The following DNER variants were observed in gnomAD, a reference collection of about 807,000 sequenced individuals.
DNER encodes the protein delta/notch like EGF repeat containing.
DNER carries 33 observed loss-of-function variants against 78.2 expected under a neutral mutation model. The observed-to-expected ratio is 0.42, with a 90% CI of 0.32 to 0.56. The LOEUF (loss-of-function observed/expected upper bound fraction) is 0.56, where lower values mean the gene tolerates loss of function less well. Among genes scored for constraint, DNER ranks in the 20% least tolerant of loss-of-function variants. The probability of loss-of-function intolerance (pLI) is 0.11; values close to 1 mark genes in which losing one functional copy is unlikely to be tolerated. For missense variants in DNER, 918 were observed against 975.3 expected, an observed-to-expected ratio of 0.94 and a Z score of 0.78; for synonymous variants, 417 against 384.8, an observed-to-expected ratio of 1.08 and a Z score of -0.98.
At chr2:229,699,583 T>C (rs985894144) in intron 1 of DNER, among the ~76,000 whole-genome samples, 3 of 152,144 alleles carry the variant, frequency 2.0e-5, no homozygotes, top group Non-Finnish European at 4.4e-5. Context: ...CAGGCTGGTC[T>C]CGAACTCCTA....
chr2:229,366,842 C>A (rs762406084), intron 12 of DNER, 31 bp downstream of exon 12: 1 of 1,612,294 alleles, frequency 6.2e-7, no homozygotes, highest in African/African-American at 1.3e-5. Flanking sequence ...CATGTGAAGG[C>A]AGCATTCCCC....
chr2:229,488,475 GT>G (rs1695326327), intron 6 of DNER, among the ~76,000 whole-genome samples: 1 of 152,236 alleles, frequency 6.6e-6, no homozygotes, highest in Non-Finnish European at 1.5e-5. Flanking sequence ...GCACATGTGT[GT>G]TGTGTGTGCA....
At chr2:229,419,284 A>G (rs1559346613) in intron 8 of DNER, among the ~76,000 whole-genome samples, 1 of 152,244 alleles carries the variant, frequency 6.6e-6, no homozygotes, top group Non-Finnish European at 1.5e-5. Flanking sequence ...GCTGTTTTCA[A>G]CTTTTGAAAA....
chr2:229,442,301 G>A (rs562115600), intron 8 of DNER, among the ~76,000 whole-genome samples: 1 of 152,236 alleles, frequency 6.6e-6, no homozygotes, highest in East Asian at 1.9e-4. Flanking sequence ...AGATCAAGAG[G>A]TCAGGAGATG....
intron 1 of DNER, among the ~76,000 whole-genome samples, chr2:229,598,785 C>T (rs1390653751): frequency 6.6e-6 from 1 of 152,056 alleles, no homozygotes; most frequent in Non-Finnish European, 1.5e-5. Context: ...CTGGCGTTGG[C>T]CCTGTTCTTC....
intron 1 of DNER, among the ~76,000 whole-genome samples, chr2:229,661,898 G>T (rs1699016079): frequency 6.6e-6 from 1 of 152,150 alleles, no homozygotes; most frequent in Admixed American, 6.5e-5. Context: ...CAAAAATGAA[G>T]CTCCATGGCT....
At chr2:229,415,680 G>A (rs979866554) in intron 9 of DNER, among the ~76,000 whole-genome samples, 3 of 152,042 alleles carry the variant, frequency 2.0e-5, no homozygotes, top group Non-Finnish European at 4.4e-5. Context: ...ATTTGGTGGC[G>A]ATGCTTATTA....
chr2:229,524,252 G>A (rs899539507), intron 5 of DNER, among the ~76,000 whole-genome samples: 1 of 152,160 alleles, frequency 6.6e-6, no homozygotes, highest in African/African-American at 2.4e-5. Context: ...TTGTTCCTGG[G>A]TCTTCTCTCT....
intron 4 of DNER, among the ~76,000 whole-genome samples, chr2:229,549,804 G>A (rs1231386746): frequency 2.0e-5 from 3 of 151,848 alleles, no homozygotes; most frequent in Admixed American, 6.5e-5. Context: ...CCAGGTACTC[G>A]AGAGGCTGAG....
At chr2:229,407,551 T>C (rs1272485864) in intron 9 of DNER, among the ~76,000 whole-genome samples, 2 of 152,236 alleles carry the variant, frequency 1.3e-5, no homozygotes, top group African/African-American at 2.4e-5. Flanking sequence ...ATTCGATCAC[T>C]GTCCATAGGT....
chr2:229,597,108 C>T (rs1188838827), intron 1 of DNER, among the ~76,000 whole-genome samples: 1 of 62,510 alleles, frequency 1.6e-5, no homozygotes, highest in Non-Finnish European at 3.6e-5. Flanking sequence ...CACATGCACA[C>T]ACACATGCAC....
intron 1 of DNER, among the ~76,000 whole-genome samples, chr2:229,710,983 GCACACACA>G (rs34720917): frequency 5.1e-4 from 71 of 139,810 alleles, no homozygotes; most frequent in Admixed American, 1.4e-3. Flanking sequence ...GCATACACGC[GCACACACA>G]CACACACACA....
At position 229,499,134 on chromosome 2, in the gene DNER, A is replaced by G. The variant is rs60851313; in HGVS notation, c.1147+13649T>C. Among the ~76,000 whole-genome samples, 304 of 152,290 alleles carry G rather than the reference A, an allele frequency of 2.0e-3. 1 individual carries two copies. The highest frequency in any genetic ancestry group is 6.5e-3 in the African/African-American group (271 of 41,566). ...TTTTGCAGTCACTTGATTTTCAACA[A>G]TGATGCCAAGAACATAAAATGGGGA... is the stretch of plus-strand genomic sequence containing the variant. On this transcript the variant is annotated intron_variant, in intron 6 of 12. Transcript: ENST00000341772.
intron 5 of DNER, among the ~76,000 whole-genome samples, chr2:229,514,833 A>T (rs1695937818): frequency 6.6e-6 from 1 of 152,204 alleles, no homozygotes; most frequent in Admixed American, 6.5e-5. Flanking sequence ...CCAAGAGGCC[A>T]GACAACAGGA....
intron 8 of DNER, among the ~76,000 whole-genome samples, chr2:229,433,341 C>A (rs972375464): frequency 5.9e-5 from 9 of 152,156 alleles, no homozygotes; most frequent in Non-Finnish European, 1.0e-4. Context: ...TATAAATAAA[C>A]CAACAGTGAA....
At chr2:229,508,852 G>C (rs1695801201) in intron 6 of DNER, among the ~76,000 whole-genome samples, 1 of 151,960 alleles carries the variant, frequency 6.6e-6, no homozygotes, top group Non-Finnish European at 1.5e-5. Flanking sequence ...CTGCCCTCCA[G>C]CCTGGGCGAC....
chr2:229,614,378 GA>G (rs887932692), intron 1 of DNER, among the ~76,000 whole-genome samples: 4 of 151,994 alleles, frequency 2.6e-5, no homozygotes, highest in African/African-American at 4.8e-5. Context: ...AGATCCATCA[GA>G]AAAAAACATG....
chr2:229,450,626 A>G (rs961613405), intron 7 of DNER, among the ~76,000 whole-genome samples: 32 of 152,186 alleles, frequency 2.1e-4, no homozygotes, highest in Admixed American at 2.6e-4. Flanking sequence ...CCCTAATGCA[A>G]TCTGACTGGT....
intron 1 of DNER, among the ~76,000 whole-genome samples, chr2:229,622,017 C>T (rs188899500): frequency 0.021 from 3,241 of 152,222 alleles, 44 homozygotes; most frequent in Middle Eastern, 0.034. Context: ...ACCCAGGAGG[C>T]GGAGCTTGCA....
Sources: allele counts gnomAD v4.1 joint callset (sites outside exome capture counted in the v4.1 genomes callset), GRCh38; gene constraint gnomAD v4.1.1; transcripts MANE v1.5; gene names NCBI Gene and HGNC (gene_info 2026-07-23, HGNC 2026-07-21).